The following ARHGEF6 variants were observed in gnomAD, a reference collection of about 807,000 sequenced individuals.
The protein encoded by ARHGEF6 is rho guanine nucleotide exchange factor 6.
In ARHGEF6, 9 loss-of-function variants were observed where a neutral mutation model predicts 70.3. The observed-to-expected ratio is 0.13, with a 90% confidence interval of 0.08 to 0.22. The LOEUF (loss-of-function observed/expected upper bound fraction) is 0.22, where lower values mean the gene tolerates loss of function less well. Ranked by LOEUF, ARHGEF6 falls within the 10% of genes least tolerant of loss-of-function variation. The probability of loss-of-function intolerance (pLI) is 1.00; values close to 1 mark genes in which losing one functional copy is unlikely to be tolerated. For synonymous variants in ARHGEF6, 201 were observed against 207.8 expected (o/e 0.97, Z 0.28); for missense variants, 470 against 563.0 (o/e 0.83, Z 1.67).
intron 2 of ARHGEF6, among the ~76,000 whole-genome samples, chrX:136,759,675 A>G (rs1458426224): frequency 9.0e-6 from 1 of 110,720 alleles, no homozygotes; most frequent in East Asian, 2.8e-4. Context: ...GCTTCCAAGA[A>G]GTAGGGAAAC....
At chrX:136,699,213 T>C (rs767186329) in intron 9 of ARHGEF6, among the ~76,000 whole-genome samples, 1 of 111,258 alleles carries the variant, frequency 9.0e-6, no homozygotes, top group East Asian at 2.8e-4. Flanking sequence ...ATATTTATAA[T>C]AATAATAACA....
intron 6 of ARHGEF6, among the ~76,000 whole-genome samples, chrX:136,714,023 T>A (rs2076712864): frequency 1.8e-5 from 2 of 112,056 alleles, no homozygotes; most frequent in South Asian, 7.3e-4. Context: ...GAGGATACAG[T>A]GAATTTTTAA....
chrX:136,711,891 G>A (rs2076689130), intron 7 of ARHGEF6, among the ~76,000 whole-genome samples: 1 of 112,093 alleles, frequency 8.9e-6, no homozygotes, highest in Admixed American at 9.4e-5. Context: ...AAAACACTTT[G>A]TTGTTGATCA....
At chrX:136,767,718 C>G in intron 2 of ARHGEF6, 12 of 754,787 alleles carry the variant, frequency 1.6e-5, no homozygotes, top group Non-Finnish European at 1.7e-5. Flanking sequence ...CCCTCCTGCC[C>G]GCAGCCGGAG....
At chrX:136,706,836 C>A (rs963291552) in intron 9 of ARHGEF6, 72 bp downstream of exon 9, 3 of 1,170,701 alleles carry the variant, frequency 2.6e-6, no homozygotes, top group Non-Finnish European at 3.5e-6. Flanking sequence ...AACTGAAGAC[C>A]TTGGATTTCC....
chrX:136,716,536 C>T (rs900406214), intron 6 of ARHGEF6, among the ~76,000 whole-genome samples: 2 of 111,907 alleles, frequency 1.8e-5, no homozygotes, highest in African/African-American at 3.3e-5. Flanking sequence ...TTCCTTTACC[C>T]AGTACATCAT....
chrX:136,736,848 C>A, intron 5 of ARHGEF6, among the ~76,000 whole-genome samples: 1 of 111,511 alleles, frequency 9.0e-6, no homozygotes, highest in African/African-American at 3.3e-5. Context: ...GCAAATTTAC[C>A]AGAGCACAAA....
At chrX:136,685,326 T>C (rs1455307916) in intron 12 of ARHGEF6, among the ~76,000 whole-genome samples, 1 of 111,620 alleles carries the variant, frequency 9.0e-6, no homozygotes, top group African/African-American at 3.3e-5. Flanking sequence ...TAGTTGCAAC[T>C]TGTGTTTTAG....
At chrX:136,683,940 C>T (rs1412505030) in intron 12 of ARHGEF6, among the ~76,000 whole-genome samples, 1 of 111,775 alleles carries the variant, frequency 8.9e-6, no homozygotes, top group Non-Finnish European at 1.9e-5. Flanking sequence ...ATATGTACAC[C>T]TCCTATCCTA....
chrX:136,720,024 A>C (rs2076779620), intron 6 of ARHGEF6, among the ~76,000 whole-genome samples: 2 of 111,971 alleles, frequency 1.8e-5, no homozygotes, highest in African/African-American at 6.5e-5. Flanking sequence ...GAAAGCATTA[A>C]GCCCAGATAG....
intron 15 of ARHGEF6, 34 bp from the exon 16 acceptor site, chrX:136,679,694 G>T (rs749749273): frequency 8.3e-7 from 1 of 1,209,977 alleles, no homozygotes; most frequent in East Asian, 3.0e-5. Flanking sequence ...TTGGCAATCT[G>T]CCATCTGAAC....
intron 2 of ARHGEF6, among the ~76,000 whole-genome samples, chrX:136,772,962 A>G (rs1432618275): frequency 8.9e-6 from 1 of 111,946 alleles, no homozygotes; most frequent in African/African-American, 3.2e-5. Context: ...CAGATGTCTC[A>G]GCAGACTTTC....
intron 6 of ARHGEF6, among the ~76,000 whole-genome samples, chrX:136,729,707 G>A (rs903780747): frequency 9.3e-6 from 1 of 107,983 alleles, no homozygotes; most frequent in Non-Finnish European, 1.9e-5. Context: ...GCGCTCGCCT[G>A]TAGTCCCAGC....
chrX:136,672,960 C>T (rs989185647), intron 19 of ARHGEF6, among the ~76,000 whole-genome samples: 3 of 112,345 alleles, frequency 2.7e-5, no homozygotes, highest in African/African-American at 9.7e-5. Flanking sequence ...TCTCTGCCTT[C>T]TCCAGGGCCT....
chrX:136,694,056 CTTT>C (rs1222897407), intron 9 of ARHGEF6, among the ~76,000 whole-genome samples: 2 of 96,212 alleles, frequency 2.1e-5, no homozygotes, highest in Admixed American at 1.1e-4. Flanking sequence ...GTCCCCACTC[CTTT>C]TTTTTTTTTT....
intron 19 of ARHGEF6, 69 bp downstream of exon 19, chrX:136,674,938 T>C: frequency 4.0e-5 from 43 of 1,079,134 alleles, no homozygotes; most frequent in Non-Finnish European, 5.4e-5. Context: ...CTTTTCTCTT[T>C]TTCTAAAAGA....
At chrX:136,775,431 A>C (rs2077396558) in intron 2 of ARHGEF6, among the ~76,000 whole-genome samples, 1 of 112,231 alleles carries the variant, frequency 8.9e-6, no homozygotes, top group Non-Finnish European at 1.9e-5. Context: ...CATAAACAGA[A>C]TTAAAAACAA....
intron 5 of ARHGEF6, among the ~76,000 whole-genome samples, chrX:136,740,855 G>A (rs1333367579): frequency 9.0e-6 from 1 of 111,633 alleles, no homozygotes; most frequent in Non-Finnish European, 1.9e-5. Flanking sequence ...AGTGAACCTG[G>A]AAAATCTTTT....
chrX:136,688,658 AAAACAAAC>A (rs766856493), intron 10 of ARHGEF6, among the ~76,000 whole-genome samples: 2 of 111,282 alleles, frequency 1.8e-5, no homozygotes, highest in African/African-American at 6.5e-5. Flanking sequence ...ACCCTGTCTC[AAAACAAAC>A]AAACAAACAA....
Sources: gnomAD v4.1 joint callset for allele counts (sites outside exome capture counted in the v4.1 genomes callset) on GRCh38, gnomAD v4.1.1 for gene constraint, MANE v1.5 for transcripts, NCBI Gene and HGNC (gene_info 2026-07-23, HGNC 2026-07-21) for gene names.